ADGRL3: variants seen among roughly 807,000 people sequenced by gnomAD.
The protein encoded by ADGRL3 is calcium-independent alpha-latrotoxin receptor 3.
ADGRL3 carries 62 observed loss-of-function variants against 153.5 expected under a neutral mutation model. The observed-to-expected ratio is 0.40, with a 90% confidence interval of 0.33 to 0.50. ADGRL3 has a LOEUF of 0.50. Among genes scored for constraint, ADGRL3 ranks in the 20% least tolerant of loss-of-function variants. The pLI is 0.47. For synonymous variants in ADGRL3, 710 were observed against 672.5 expected (o/e 1.06, Z -0.86); for missense variants, 1,641 against 1,859.4 (o/e 0.88, Z 2.16).
chr4:61,812,403 C>T (rs1234929334), intron 8 of ADGRL3, among the ~76,000 whole-genome samples: 9 of 152,140 alleles, frequency 5.9e-5, no homozygotes, highest in Non-Finnish European at 1.2e-4. Context: ...GAGGAATCAG[C>T]GGAGCTTATT....
intron 2 of ADGRL3, among the ~76,000 whole-genome samples, chr4:61,467,402 T>A (rs532077326): frequency 6.6e-6 from 1 of 152,122 alleles, no homozygotes; most frequent in Non-Finnish European, 1.5e-5. Context: ...TAGGGTCTGA[T>A]ACTCTAGAAA....
rs1056501988 is a variant in ADGRL3, at chr4:61,414,566, G to A, written c.-174+31377G>A. Among the ~76,000 whole-genome samples, 6 of 151,838 alleles carry A rather than the reference G, an allele frequency of 4.0e-5. No homozygotes were observed. The East Asian group carries it at 5.8e-4, about 15-fold the overall frequency. ...ATATTTCCAACAATTGGATAATTAC[G>A]CTTGGTATTTTGCTTACTCTGATTG... On this transcript the variant is annotated intron_variant, in intron 2 of 26. Transcript: ENST00000683033.
At chr4:61,727,643 C>T (rs2096372343) in intron 6 of ADGRL3, among the ~76,000 whole-genome samples, 1 of 151,948 alleles carries the variant, frequency 6.6e-6, no homozygotes, top group African/African-American at 2.4e-5. Context: ...TGTTTTTTGC[C>T]AATATAACCC....
In ADGRL3 at chr4:61,432,648, T is replaced by TTC. The variant is rs371504316; in HGVS notation, c.-174+49461_-174+49462dup. Among the ~76,000 whole-genome samples the TTC allele has an allele frequency of 7.4e-3, 309 of 41,594 alleles. 27 individuals carry two copies. Among genetic ancestry groups the TTC allele is most frequent in the Non-Finnish European group, 0.012 (206 of 17,690 alleles). The allele number at this position is 41,594 out of a possible 152,430, so 27.3% of individuals were successfully genotyped here. On this transcript the variant is annotated intron_variant, in intron 2 of 26. Transcript: ENST00000683033. ...TTTCTTTCTTTCTTTCTTTCTTTCT[T>TTC]TCTTTCTTTTTTTTTTTTTTTTGAG...
At chr4:61,870,316 A>G (rs1440059974) in intron 9 of ADGRL3, among the ~76,000 whole-genome samples, 2 of 152,296 alleles carry the variant, frequency 1.3e-5, no homozygotes, top group South Asian at 4.1e-4. Context: ...TTAACTCAAA[A>G]TGTATCATAA....
chr4:61,472,512 A>G (rs1162337015), intron 2 of ADGRL3, among the ~76,000 whole-genome samples: 1 of 152,050 alleles, frequency 6.6e-6, no homozygotes, highest in Non-Finnish European at 1.5e-5. Context: ...TAAACCATAC[A>G]AAAAAGAAGA....
chr4:61,479,209 A>T (rs1037670), intron 2 of ADGRL3, among the ~76,000 whole-genome samples: 152,182 of 152,188 alleles, frequency 1, 76,088 homozygotes, highest in Non-Finnish European at 1. Context: ...TCCAACCAGA[A>T]TCTAAGTTTT....
chr4:61,997,482 C>T (rs2099125690), intron 20 of ADGRL3, among the ~76,000 whole-genome samples: 2 of 151,686 alleles, frequency 1.3e-5, no homozygotes, highest in African/African-American at 4.8e-5. Context: ...CTTTTATTGC[C>T]AAGTTGTGGA....
chr4:61,698,444 C>T (rs2095683514), intron 6 of ADGRL3, among the ~76,000 whole-genome samples: 1 of 151,892 alleles, frequency 6.6e-6, no homozygotes, highest in Non-Finnish European at 1.5e-5. Context: ...AGTGAGACTC[C>T]ATCTCAAACA....
At chr4:61,697,197 A>C (rs2095658531) in intron 6 of ADGRL3, among the ~76,000 whole-genome samples, 1 of 152,208 alleles carries the variant, frequency 6.6e-6, no homozygotes, top group South Asian at 2.1e-4. Flanking sequence ...ATTATGATGG[A>C]TGGGTAAAAT....
In ADGRL3 at chr4:62,076,970, AT is replaced by A. The variant is rs1282904125; in HGVS notation, c.*6064del. On this transcript the variant is annotated 3_prime_UTR_variant, in exon 27 of 27. Coordinates refer to ENST00000683033, the MANE Select transcript of ADGRL3 (RefSeq NM_001387552.1). ...TATTCATACTATAGAATAATTTATT[AT>A]TATATATATGAATATTACATTGAGA... 6.6e-6 allele frequency: 1 copy of A among 151,454 alleles called. No homozygotes were observed. 9.4% of individuals were successfully genotyped at this position (151,454 alleles called of 1,614,324 possible). A position where few individuals can be genotyped will look rare whatever the true frequency, so the allele number is the denominator to read the frequency against.
rs146319514 is a variant in ADGRL3, at chr4:61,505,378, C to T, written c.55+8030C>T. On this transcript the variant is annotated intron_variant, in intron 3 of 26. Transcript: ENST00000683033. ...CTCCCATTCTTGTGGGTTGTCTCCT[C>T]ACTTTTTTATTGTTATTATGACTAT... Among the ~76,000 whole-genome samples the T allele has an allele frequency of 5.5e-3, 840 of 152,156 alleles. 12 individuals carry two copies. Among genetic ancestry groups the T allele is most frequent in the African/African-American group, 0.019 (793 of 41,518 alleles).
chr4:61,284,717 A>G (rs1270198296), intron 1 of ADGRL3, among the ~76,000 whole-genome samples: 2 of 151,854 alleles, frequency 1.3e-5, no homozygotes, highest in Non-Finnish European at 2.9e-5. Flanking sequence ...GGACATTGGT[A>G]ATGAAAATTT....
chr4:61,488,716 T>C (rs912147591), intron 2 of ADGRL3, among the ~76,000 whole-genome samples: 1 of 152,040 alleles, frequency 6.6e-6, no homozygotes, highest in Non-Finnish European at 1.5e-5. Context: ...ACTTGAAAAA[T>C]TGTTGACTTA....
At position 61,745,866 on chromosome 4, in the gene ADGRL3, C is replaced by A. The variant is rs371194508; in HGVS notation, c.1399+12312C>A. ...TCAAATTCACACATAACAATATTAACTTTAAATGTAAATGGACTAAATGCT... is the reference window on the plus strand; with the variant it reads ...TCAAATTCACACATAACAATATTAAATTTAAATGTAAATGGACTAAATGCT... On this transcript the variant is annotated intron_variant, in intron 8 of 26. Transcript: ENST00000683033. Among the ~76,000 whole-genome samples, 559 of 152,214 alleles carry A rather than the reference C, an allele frequency of 3.7e-3. 9 individuals are homozygous for A. Among genetic ancestry groups the A allele is most frequent in the East Asian group, 0.02 (103 of 5,172 alleles).
intron 1 of ADGRL3, among the ~76,000 whole-genome samples, chr4:61,305,523 T>G (rs895561828): frequency 1.3e-5 from 2 of 152,168 alleles, no homozygotes; most frequent in African/African-American, 4.8e-5. Flanking sequence ...CTTTTCTAAA[T>G]GGACTGGCTT....
intron 20 of ADGRL3, 32 bp from the exon 21 acceptor site, chr4:61,998,142 T>G (rs768011070): frequency 8.1e-7 from 1 of 1,232,506 alleles, no homozygotes. Flanking sequence ...CTACTCCAAT[T>G]ATGCTACATA....
At chr4:61,383,719 C>G (rs1301356701) in intron 2 of ADGRL3, among the ~76,000 whole-genome samples, 6 of 151,474 alleles carry the variant, frequency 4.0e-5, no homozygotes, top group Non-Finnish European at 8.9e-5. Flanking sequence ...TAATATTAAG[C>G]AAATTACTTT....
Position 61,732,871 on chromosome 4 carries a change from A to G in ADGRL3, c.716A>G (p.Tyr239Cys). ...DPLQASDKIY[Y>C]MPWTPYRTDT... ...CTGCAGGCATCTGACAAGATTTATT[A>G]TATGCCCTGGACTCCCTACAGAACT... The change falls in exon 8 of 27, where the codon TAT (tyrosine) becomes TGT (cysteine). Residue 239 changes from tyrosine (Y) to cysteine (C), a missense_variant. This residue lies in a region of ADGRL3 where 213 missense variants were observed against 362.1 expected (regional missense o/e 0.59). Coordinates refer to ENST00000683033, the MANE Select transcript of ADGRL3 (RefSeq NM_001387552.1). 1.9e-6 allele frequency: 3 copies of G among 1,613,630 alleles called. No individual in the cohort carries two copies. Among genetic ancestry groups the G allele is most frequent in the African/African-American group, 1.3e-5 (1 of 75,012 alleles).
Sources: allele counts gnomAD v4.1 joint callset (sites outside exome capture counted in the v4.1 genomes callset), GRCh38; gene constraint gnomAD v4.1.1; regional missense constraint gnomAD v4.1.1; transcripts MANE v1.5; gene names NCBI Gene and HGNC (gene_info 2026-07-23, HGNC 2026-07-21).